WDR89: variants seen among roughly 807,000 people sequenced by gnomAD.
WDR89 encodes WD repeat-containing protein 89.
A neutral mutation model predicts 29.1 loss-of-function variants in WDR89; 17 were observed. The ratio of observed to expected loss-of-function variants is 0.58; its 90% CI spans 0.40 to 0.88. The LOEUF is 0.88. Ranked by LOEUF, WDR89 falls within the 40% of genes least tolerant of loss-of-function variation. WDR89 has a pLI of 0.00. For missense variants in WDR89, 396 were observed against 456.3 expected, an observed-to-expected ratio of 0.87 and a Z score of 1.20; for synonymous variants, 138 against 157.8, an observed-to-expected ratio of 0.87 and a Z score of 0.94.
At chr14:63,600,658 ATCT>A (rs1159782741) in intron 2 of WDR89, among the ~76,000 whole-genome samples, 1 of 144,012 alleles carries the variant, frequency 6.9e-6, no homozygotes, top group Non-Finnish European at 1.5e-5. Flanking sequence ...CTTTGGAATA[ATCT>A]TCTCCTGGCC....
Position 63,640,469 on chromosome 14 carries a change from C to T in WDR89, c.-138+1335G>A, listed in dbSNP as rs564056629. Among the ~76,000 whole-genome samples, 8 of 151,636 alleles carry T rather than the reference C, an allele frequency of 5.3e-5. 1 individual carries two copies. Among genetic ancestry groups the T allele is most frequent in the Middle Eastern group, 3.4e-3 (1 of 294 alleles). ...TTGGTAACAATCGATTAATTCACTT[C>T]TAGGTGTGTTTTATTGACTTTTTTT... On this transcript the variant is annotated intron_variant, in intron 1 of 2. Coordinates refer to ENST00000620954, the MANE Select transcript of WDR89 (RefSeq NM_080666.4).
At chr14:63,625,262 T>C (rs1357391984) in intron 1 of WDR89, among the ~76,000 whole-genome samples, 1 of 152,188 alleles carries the variant, frequency 6.6e-6, no homozygotes, top group Non-Finnish European at 1.5e-5. Context: ...AGCAAAATTA[T>C]AGGAACTGGT....
intron 2 of WDR89, among the ~76,000 whole-genome samples, chr14:63,608,583 A>G (rs974682015): frequency 4.6e-5 from 7 of 152,082 alleles, no homozygotes; most frequent in Non-Finnish European, 2.9e-5. Context: ...ATAAATATTA[A>G]TATTTTCAGA....
At chr14:63,605,009 G>A (rs558368987) in intron 2 of WDR89, among the ~76,000 whole-genome samples, 1 of 151,998 alleles carries the variant, frequency 6.6e-6, no homozygotes, top group African/African-American at 2.4e-5. Context: ...AATTAGCCAG[G>A]CATGGTGGTG....
chr14:63,623,258 A>C lies in WDR89; in HGVS notation c.-32+1670T>G, dbSNP rs553652962. 1.1e-3 allele frequency among the ~76,000 whole-genome samples: 168 copies of C among 152,060 alleles called. 1 individual carries two copies. The highest frequency in any genetic ancestry group is 3.4e-3 in the Middle Eastern group (1 of 294). ...CTAGACTAACCACTTCAAACAAACA[A>C]ACACACAAAATATTAAACAGTAAAT... On this transcript the variant is annotated intron_variant, in intron 2 of 2. Transcript: ENST00000620954.
At chr14:63,613,281 T>C (rs1037894185) in intron 2 of WDR89, among the ~76,000 whole-genome samples, 3 of 152,028 alleles carry the variant, frequency 2.0e-5, no homozygotes, top group Non-Finnish European at 4.4e-5. Context: ...CCAAATCTGC[T>C]TGCAGAGGTG....
intron 2 of WDR89, among the ~76,000 whole-genome samples, chr14:63,607,462 T>C (rs1334192729): frequency 6.6e-6 from 1 of 152,142 alleles, no homozygotes; most frequent in Non-Finnish European, 1.5e-5. Flanking sequence ...CTTTTTATTA[T>C]GGAATGTGCA....
intron 2 of WDR89, among the ~76,000 whole-genome samples, chr14:63,610,441 C>T (rs536038773): frequency 3.9e-4 from 60 of 151,938 alleles, no homozygotes; most frequent in South Asian, 2.1e-3. Context: ...CTTAGTTACC[C>T]GCATCCAAAG....
chr14:63,629,529 A>G (rs117273368), intron 1 of WDR89, among the ~76,000 whole-genome samples: 62 of 152,376 alleles, frequency 4.1e-4, no homozygotes, highest in Middle Eastern at 6.8e-3. Context: ...CTTAGCGTTC[A>G]GGATCTTCCA....
intron 2 of WDR89, among the ~76,000 whole-genome samples, chr14:63,619,903 G>A (rs1484418770): frequency 4.0e-5 from 6 of 151,240 alleles, no homozygotes; most frequent in African/African-American, 1.5e-4. Flanking sequence ...TACTCAGGAA[G>A]CTGAGGCAGG....
chr14:63,603,333 C>CA (rs1269215009), intron 2 of WDR89, among the ~76,000 whole-genome samples: 2 of 152,072 alleles, frequency 1.3e-5, no homozygotes, highest in African/African-American at 4.8e-5. Context: ...TAGCTGCAGA[C>CA]AAAGTATCAC....
chr14:63,638,527 C>T (rs997365973), intron 1 of WDR89, among the ~76,000 whole-genome samples: 1 of 152,202 alleles, frequency 6.6e-6, no homozygotes, highest in African/African-American at 2.4e-5. Context: ...CAACCATGAA[C>T]ATATAAAACT....
intron 1 of WDR89, among the ~76,000 whole-genome samples, chr14:63,625,540 A>G (rs144839286): frequency 6.6e-6 from 1 of 152,314 alleles, no homozygotes; most frequent in East Asian, 1.9e-4. Flanking sequence ...CAAACAAAAC[A>G]TAAAAAGTCA....
At chr14:63,627,007 G>C (rs1040133502) in intron 1 of WDR89, among the ~76,000 whole-genome samples, 4 of 152,094 alleles carry the variant, frequency 2.6e-5, no homozygotes, top group Non-Finnish European at 5.9e-5. Context: ...TGTAGTCCCA[G>C]CCACCCAAGA....
intron 2 of WDR89, among the ~76,000 whole-genome samples, chr14:63,604,705 C>A (rs1895227085): frequency 6.6e-6 from 1 of 152,160 alleles, no homozygotes; most frequent in Non-Finnish European, 1.5e-5. Context: ...TAGTGGTGAA[C>A]TTATTACCTA....
chr14:63,626,116 T>C (rs1354026823), intron 1 of WDR89, among the ~76,000 whole-genome samples: 1 of 152,008 alleles, frequency 6.6e-6, no homozygotes, highest in Non-Finnish European at 1.5e-5. Flanking sequence ...CCTCCCAAAG[T>C]GCTAGGATCA....
At chr14:63,638,032 G>A (rs756835331) in intron 1 of WDR89, among the ~76,000 whole-genome samples, 5 of 151,644 alleles carry the variant, frequency 3.3e-5, no homozygotes, top group Admixed American at 6.6e-5. Flanking sequence ...TGCAACCTCC[G>A]CCTCCCAGGT....
At chr14:63,635,160 GAA>G (rs1883651398) in intron 1 of WDR89, among the ~76,000 whole-genome samples, 1 of 152,020 alleles carries the variant, frequency 6.6e-6, no homozygotes, top group African/African-American at 2.4e-5. Context: ...CCAAAACCAG[GAA>G]AGGACATAAC....
In WDR89 at chr14:63,598,451, C is replaced by T. The variant is rs1378309681; in HGVS notation, c.*328G>A. On this transcript the variant is annotated 3_prime_UTR_variant, in exon 3 of 3. Coordinates refer to ENST00000620954, the MANE Select transcript of WDR89 (RefSeq NM_080666.4). ...AACTGGGCTTAAAAAATGCAGCCAA[C>T]CACCTGTTTTATTAAGTTTTACCAA... 4 of 181,560 alleles carry T rather than the reference C, an allele frequency of 2.2e-5. No individual in the cohort carries two copies. The highest frequency in any genetic ancestry group is 2.2e-3 in the Middle Eastern group (1 of 446). 11.2% of individuals were successfully genotyped at this position (181,560 alleles called of 1,614,324 possible). A position where few individuals can be genotyped will look rare whatever the true frequency, so the allele number is the denominator to read the frequency against.
Sources: gnomAD v4.1 joint callset for allele counts (sites outside exome capture counted in the v4.1 genomes callset) on GRCh38, gnomAD v4.1.1 for gene constraint, MANE v1.5 for transcripts, NCBI Gene and HGNC (gene_info 2026-07-23, HGNC 2026-07-21) for gene names.